POLA1: variants seen among roughly 807,000 people sequenced by gnomAD.
POLA1 encodes DNA polymerase alpha catalytic subunit.
In POLA1, 15 loss-of-function variants were observed where a neutral mutation model predicts 124.0. That is an observed-to-expected ratio of 0.12 (90% CI 0.08 to 0.19). The LOEUF is 0.19. POLA1 is among the 10% of genes least tolerant of loss of function. The pLI is 1.00. For missense variants in POLA1, 886 were observed against 1,103.4 expected, an observed-to-expected ratio of 0.80 and a Z score of 2.79; for synonymous variants, 408 against 389.4, an observed-to-expected ratio of 1.05 and a Z score of -0.56.
chrX:24,996,025 A>T lies in POLA1; in HGVS notation c.*75A>T. ...CCTCTGTGCCTCCACTCTGGCCCTAAATGCTCCTCCAGCATCTGTTTCTCC... is the reference window on the plus strand; with the variant it reads ...CCTCTGTGCCTCCACTCTGGCCCTATATGCTCCTCCAGCATCTGTTTCTCC... On this transcript the variant is annotated 3_prime_UTR_variant, in exon 37 of 37. Coordinates refer to ENST00000379068, the MANE Select transcript of POLA1 (RefSeq NM_001330360.2). The T allele has an allele frequency of 5.4e-6, 5 of 925,826 alleles. No homozygotes were observed. The highest frequency in any genetic ancestry group is 7.7e-6 in the Non-Finnish European group (5 of 652,488). The allele number at this position is 925,826 out of a possible 1,213,427, so 76.3% of individuals were successfully genotyped here.
intron 36 of POLA1, among the ~76,000 whole-genome samples, chrX:24,974,689 A>G (rs894598105): frequency 1.8e-5 from 2 of 111,295 alleles, no homozygotes; most frequent in African/African-American, 6.6e-5. Flanking sequence ...GCATTAGGAC[A>G]AGTATCTACT....
chrX:24,706,772 A>G (rs1195731646), intron 4 of POLA1, among the ~76,000 whole-genome samples: 1 of 111,941 alleles, frequency 8.9e-6, no homozygotes, highest in African/African-American at 3.2e-5. Flanking sequence ...TTGTGTTCAG[A>G]AGCTATATAA....
At chrX:24,841,424 T>A (rs1190871623) in intron 32 of POLA1, among the ~76,000 whole-genome samples, 1 of 112,285 alleles carries the variant, frequency 8.9e-6, no homozygotes, top group Non-Finnish European at 1.9e-5. Context: ...AGTAGGTGCT[T>A]CCAAACCCAT....
intron 34 of POLA1, among the ~76,000 whole-genome samples, chrX:24,877,929 T>A (rs1451548169): frequency 9.3e-6 from 1 of 107,707 alleles, no homozygotes; most frequent in African/African-American, 3.4e-5. Context: ...TTTTTTTTGT[T>A]TTTTTTTTAG....
intron 36 of POLA1, among the ~76,000 whole-genome samples, chrX:24,981,540 A>G (rs1335363184): frequency 8.9e-6 from 1 of 112,874 alleles, no homozygotes; most frequent in African/African-American, 3.2e-5. Flanking sequence ...GTAAAATTAT[A>G]AATACAGGTG....
At chrX:24,809,353 C>G (rs1299371340) in intron 26 of POLA1, among the ~76,000 whole-genome samples, 2 of 111,771 alleles carry the variant, frequency 1.8e-5, no homozygotes, top group East Asian at 2.8e-4. Context: ...GACTTATCAA[C>G]AGATATCCAC....
intron 24 of POLA1, among the ~76,000 whole-genome samples, chrX:24,746,381 T>G (rs1002724923): frequency 1.2e-4 from 14 of 112,060 alleles, no homozygotes; most frequent in African/African-American, 3.9e-4. Context: ...TCTGCTACTG[T>G]GCCAGCATGG....
chrX:24,725,468 G>A (rs1253698560), intron 12 of POLA1, among the ~76,000 whole-genome samples: 2 of 110,980 alleles, frequency 1.8e-5, no homozygotes, highest in Non-Finnish European at 3.8e-5. Flanking sequence ...AAAGTGCTGG[G>A]ATAACAGGCG....
chrX:24,990,726 A>T (rs1010847063), intron 36 of POLA1, among the ~76,000 whole-genome samples: 4 of 111,901 alleles, frequency 3.6e-5, no homozygotes, highest in Non-Finnish European at 7.5e-5. Flanking sequence ...GCTGGCCGGG[A>T]ATTGGAAGCG....
chrX:24,888,688 C>A (rs1428119211), intron 35 of POLA1, among the ~76,000 whole-genome samples: 3 of 99,946 alleles, frequency 3.0e-5, no homozygotes, highest in African/African-American at 7.5e-5. Context: ...CTCACTGCAA[C>A]CTCAGCCTAC....
intron 34 of POLA1, among the ~76,000 whole-genome samples, chrX:24,867,220 T>A (rs916208782): frequency 1.8e-5 from 2 of 111,766 alleles, no homozygotes; most frequent in Non-Finnish European, 3.8e-5. Context: ...GACTTTTTTT[T>A]ATCCTTCTCA....
chrX:24,840,927 C>G (rs2046400710), intron 32 of POLA1, among the ~76,000 whole-genome samples: 1 of 111,902 alleles, frequency 8.9e-6, no homozygotes, highest in African/African-American at 3.2e-5. Context: ...TGTTTCTTTT[C>G]TTTAATTAGT....
intron 26 of POLA1, among the ~76,000 whole-genome samples, chrX:24,802,673 G>A (rs1352896061): frequency 8.9e-6 from 1 of 111,855 alleles, no homozygotes; most frequent in Non-Finnish European, 1.9e-5. Flanking sequence ...TATAGTTAGT[G>A]TAGCATATGT....
Position 24,847,021 on chromosome X carries a change from GTAAT to G in POLA1, c.4047+3350_4047+3353del, listed in dbSNP as rs1047273182. On this transcript the variant is annotated intron_variant, in intron 34 of 36. Transcript: ENST00000379068. ...TACTTACAATAGATCCATAGAACTG[GTAAT>G]TAATTCTCCACTGCTTTGGAAATGG... Among the ~76,000 whole-genome samples, 38 of 112,117 alleles carry G rather than the reference GTAAT, an allele frequency of 3.4e-4. 1 individual carries two copies. The highest frequency in any genetic ancestry group is 1.2e-3 in the African/African-American group (36 of 30,902).
At chrX:24,894,040 T>A (rs1202258610) in intron 35 of POLA1, among the ~76,000 whole-genome samples, 1 of 111,659 alleles carries the variant, frequency 9.0e-6, no homozygotes, top group Admixed American at 9.5e-5. Flanking sequence ...GTAGCTGTCT[T>A]CCTGAGTGTT....
chrX:24,707,503 C>T (rs1413018886), intron 4 of POLA1, among the ~76,000 whole-genome samples: 1 of 112,144 alleles, frequency 8.9e-6, no homozygotes, highest in Non-Finnish European at 1.9e-5. Context: ...TTATTTCGTG[C>T]TTTGCCACCA....
intron 26 of POLA1, among the ~76,000 whole-genome samples, chrX:24,792,798 A>G (rs2045527619): frequency 1.8e-5 from 2 of 112,056 alleles, no homozygotes; most frequent in African/African-American, 6.5e-5. Context: ...GTAAATTAAC[A>G]TATATTAATA....
chrX:24,844,113 T>C (rs1020003844), intron 34 of POLA1, among the ~76,000 whole-genome samples: 1 of 111,591 alleles, frequency 9.0e-6, no homozygotes, highest in African/African-American at 3.2e-5. Context: ...ACTAATACTT[T>C]GTGTTTATGT....
At chrX:24,883,779 T>C (rs1403514742) in intron 34 of POLA1, among the ~76,000 whole-genome samples, 2 of 112,247 alleles carry the variant, frequency 1.8e-5, no homozygotes, top group Non-Finnish European at 3.8e-5. Flanking sequence ...TGTGCGGCAT[T>C]ACGTAATAAA....
Sources: gnomAD v4.1 joint callset for allele counts (sites outside exome capture counted in the v4.1 genomes callset) on GRCh38, gnomAD v4.1.1 for gene constraint, MANE v1.5 for transcripts, NCBI Gene and HGNC (gene_info 2026-07-23, HGNC 2026-07-21) for gene names.